DPY19L2: variants seen among roughly 807,000 people sequenced by gnomAD.
DPY19L2 encodes dpy-19 like 2, also known as probable C-mannosyltransferase DPY19L2.
In DPY19L2, 34 loss-of-function variants were observed where a neutral mutation model predicts 97.9. The observed-to-expected ratio is 0.35, with a 90% CI of 0.26 to 0.46. DPY19L2 has a LOEUF of 0.46. Among genes scored for constraint, DPY19L2 ranks in the 20% least tolerant of loss-of-function variants. The pLI is 1.00. For synonymous variants in DPY19L2, 230 were observed against 307.9 expected (o/e 0.75, Z 2.65); for missense variants, 623 against 911.4 (o/e 0.68, Z 4.07).
At chr12:63,661,567 G>GGA (rs112964973) in intron 3 of DPY19L2, 86 bp from the exon 4 acceptor site, 6 of 651,060 alleles carry the variant, frequency 9.2e-6, no homozygotes, top group Middle Eastern at 5.2e-4. Flanking sequence ...CTTTTTTTCT[G>GGA]AAAAAAAAAA....
chr12:63,630,207 C>T (rs1381650045), intron 6 of DPY19L2, among the ~76,000 whole-genome samples: 3 of 152,260 alleles, frequency 2.0e-5, no homozygotes, highest in South Asian at 4.1e-4. Flanking sequence ...ATCAAATTTA[C>T]ACATAACAAT....
intron 8 of DPY19L2, among the ~76,000 whole-genome samples, chr12:63,622,218 C>T (rs978194323): frequency 1.1e-4 from 17 of 152,228 alleles, no homozygotes; most frequent in Non-Finnish European, 2.4e-4. Flanking sequence ...CTAATTAAGA[C>T]ATTTTATTCC....
At chr12:63,644,293 T>C (rs999300049) in intron 6 of DPY19L2, 110 bp downstream of exon 6, 2 of 1,402,074 alleles carry the variant, frequency 1.4e-6, no homozygotes, top group African/African-American at 2.9e-5. Context: ...ATCCACAAAC[T>C]TTCCTGATAT....
chr12:63,638,669 G>T (rs1170378991), intron 6 of DPY19L2, among the ~76,000 whole-genome samples: 2 of 152,018 alleles, frequency 1.3e-5, no homozygotes, highest in Non-Finnish European at 2.9e-5. Context: ...CCTCTTCAAG[G>T]AGAACCACAA....
intron 14 of DPY19L2, among the ~76,000 whole-genome samples, chr12:63,596,642 A>G (rs929467544): frequency 1.3e-5 from 2 of 152,206 alleles, no homozygotes; most frequent in African/African-American, 2.4e-5. Context: ...ATAGTTTTTG[A>G]ATGAATGGGA....
At chr12:63,648,935 G>A (rs1181985980) in intron 4 of DPY19L2, among the ~76,000 whole-genome samples, 1 of 151,924 alleles carries the variant, frequency 6.6e-6, no homozygotes, top group East Asian at 1.9e-4. Flanking sequence ...ATACTCTAAT[G>A]AGCATGCTTA....
At chr12:63,624,839 G>A (rs1245974491) in intron 7 of DPY19L2, among the ~76,000 whole-genome samples, 2 of 152,022 alleles carry the variant, frequency 1.3e-5, no homozygotes, top group African/African-American at 4.8e-5. Flanking sequence ...CTTTGCAAGA[G>A]TCTTAAAAGT....
intron 3 of DPY19L2, 82 bp from the exon 4 acceptor site, chr12:63,661,563 T>C (rs1895682451): frequency 1.0e-6 from 1 of 990,918 alleles, no homozygotes; most frequent in African/African-American, 4.1e-5. Flanking sequence ...AGAACTTTTT[T>C]TCTGAAAAAA....
chr12:63,599,621 A>G lies in DPY19L2; in HGVS notation c.1359+685T>C, dbSNP rs546872483. Among the ~76,000 whole-genome samples the G allele has an allele frequency of 3.9e-5, 6 of 152,300 alleles. No individual in the cohort carries two copies. The South Asian group carries it at 1.2e-3, about 32-fold the overall frequency. On this transcript the variant is annotated intron_variant, in intron 13 of 21. Coordinates refer to ENST00000324472, the MANE Select transcript of DPY19L2 (RefSeq NM_173812.5). ...GGTAAATTTCAAAATTGATTATTAT[A>G]TGATATACTCATGTATGCTTATTTC...
intron 11 of DPY19L2, 40 bp downstream of exon 11, chr12:63,617,264 G>A (rs760662676): frequency 1.5e-6 from 2 of 1,306,048 alleles, no homozygotes; most frequent in Non-Finnish European, 2.2e-6. Context: ...ATGCTATTTG[G>A]CAGGTTAAAA....
At position 63,569,215 on chromosome 12, in the gene DPY19L2, A is replaced by G; in HGVS notation, c.2126+9T>C. On this transcript the variant is annotated intron_variant, in intron 21 of 21. Coordinates refer to ENST00000324472, the MANE Select transcript of DPY19L2 (RefSeq NM_173812.5). ...ATACCATATCAGATAGCATAGGGTTAATACTCACTTAGTTCTCACAACACA... is the reference window on the plus strand; with the variant it reads ...ATACCATATCAGATAGCATAGGGTTGATACTCACTTAGTTCTCACAACACA... The G allele has an allele frequency of 6.3e-7, 1 of 1,594,374 alleles. No individual in the cohort carries two copies. The highest frequency in any genetic ancestry group is 8.5e-7 in the Non-Finnish European group (1 of 1,172,644).
chr12:63,581,878 G>A (rs574548733), intron 18 of DPY19L2, among the ~76,000 whole-genome samples: 3 of 147,866 alleles, frequency 2.0e-5, no homozygotes, highest in African/African-American at 7.6e-5. Flanking sequence ...TTGGCTGACT[G>A]TAGCCTCTGC....
chr12:63,662,051 T>C (rs1175339601), intron 3 of DPY19L2, among the ~76,000 whole-genome samples: 4 of 152,274 alleles, frequency 2.6e-5, no homozygotes, highest in African/African-American at 7.2e-5. Flanking sequence ...ACAAACGCTA[T>C]GTACTAAAAA....
chr12:63,619,900 T>A (rs1016056463), intron 9 of DPY19L2: 11 of 447,610 alleles, frequency 2.5e-5, no homozygotes, highest in African/African-American at 2.2e-4. Flanking sequence ...TCTGTTGGCA[T>A]GTGCAAATAA....
At chr12:63,616,525 TG>T (rs1187165541) in intron 11 of DPY19L2, among the ~76,000 whole-genome samples, 1 of 152,130 alleles carries the variant, frequency 6.6e-6, no homozygotes, top group East Asian at 1.9e-4. Context: ...GTATCATTTC[TG>T]ATCAGTGTGG....
rs550155817 is a variant in DPY19L2 at position 63,577,546 on chromosome 12, G to C, written c.1900+3116C>G. 3.9e-5 allele frequency among the ~76,000 whole-genome samples: 6 copies of C among 151,972 alleles called. No individual in the cohort carries two copies. In the South Asian group the frequency reaches 1.0e-3, roughly 26 times the overall value. Reference sequence around the variant, plus strand: ...ATTTGCAAACTACCAATCTGACAAGGAATTAATAACCAGAATATATAAGGA... The same window carrying C: ...ATTTGCAAACTACCAATCTGACAAGCAATTAATAACCAGAATATATAAGGA... On this transcript the variant is annotated intron_variant, in intron 19 of 21. Transcript: ENST00000324472.
At chr12:63,579,313 A>T (rs1356843469) in intron 19 of DPY19L2, among the ~76,000 whole-genome samples, 34 of 152,150 alleles carry the variant, frequency 2.2e-4, no homozygotes, top group Non-Finnish European at 1.5e-5. Context: ...ACCTTTGTGC[A>T]GTGCACAAAC....
intron 16 of DPY19L2, among the ~76,000 whole-genome samples, chr12:63,588,267 G>A (rs1279338995): frequency 1.3e-5 from 2 of 152,128 alleles, no homozygotes; most frequent in Non-Finnish European, 2.9e-5. Context: ...TTCGGTTGAA[G>A]CCAATGTTCA....
chr12:63,638,446 T>C (rs1030543208), intron 6 of DPY19L2, among the ~76,000 whole-genome samples: 7 of 152,154 alleles, frequency 4.6e-5, no homozygotes, highest in African/African-American at 1.7e-4. Context: ...CATGATTGTA[T>C]ATCTAGAAAA....
Sources: gnomAD v4.1 joint callset for allele counts (sites outside exome capture counted in the v4.1 genomes callset) on GRCh38, gnomAD v4.1.1 for gene constraint, MANE v1.5 for transcripts, NCBI Gene and HGNC (gene_info 2026-07-23, HGNC 2026-07-21) for gene names.